Variants in SGCD observed in about 807,000 individuals in gnomAD.
SGCD encodes the protein sarcoglycan delta, also known as delta-sarcoglycan.
SGCD carries 18 observed loss-of-function variants against 36.6 expected under a neutral mutation model. The ratio of observed to expected loss-of-function variants is 0.49; its 90% CI spans 0.34 to 0.73. The LOEUF (loss-of-function observed/expected upper bound fraction) is 0.73, where lower values mean the gene tolerates loss of function less well. SGCD is among the 30% of genes least tolerant of loss of function. The pLI is 0.01. For missense variants in SGCD, 387 were observed against 346.7 expected, an observed-to-expected ratio of 1.12 and a Z score of -0.92; for synonymous variants, 133 against 130.6, an observed-to-expected ratio of 1.02 and a Z score of -0.12.
At chr5:156,168,960 T>C (rs1320338507) in intron 3 of SGCD, among the ~76,000 whole-genome samples, 1 of 152,190 alleles carries the variant, frequency 6.6e-6, no homozygotes, top group East Asian at 1.9e-4. Context: ...AGTGTGCTTA[T>C]GGAGGGAGTG....
upstream of SGCD, among the ~76,000 whole-genome samples, chr5:155,869,865 G>A (rs866575226): frequency 3.2e-4 from 48 of 152,042 alleles, no homozygotes; most frequent in African/African-American, 9.9e-4. Context: ...TGGATGTGGC[G>A]GTGCATGCCT....
At chr5:155,781,067 A>G in the SGCD span, among the ~76,000 whole-genome samples, 2 of 152,272 alleles carry the variant, frequency 1.3e-5, no homozygotes, top group African/African-American at 2.4e-5. Context: ...TGAGACTTTC[A>G]ATTTTATTTA....
At chr5:156,329,466 A>C (rs1767964161) in intron 1 of SGCD, 68 bp from the exon 2 acceptor site, 2 of 1,101,270 alleles carry the variant, frequency 1.8e-6, no homozygotes, top group Admixed American at 1.8e-5. Context: ...CTGAGGGTTC[A>C]GATTTCCTAG....
the SGCD span, among the ~76,000 whole-genome samples, chr5:155,791,773 G>A: frequency 6.6e-6 from 1 of 151,966 alleles, no homozygotes; most frequent in Non-Finnish European, 1.5e-5. Context: ...ACAAATAAAT[G>A]GAAAAATATT....
intron 4 of SGCD, among the ~76,000 whole-genome samples, chr5:156,526,783 C>T (rs1216725914): frequency 2.6e-5 from 4 of 152,136 alleles, no homozygotes; most frequent in Non-Finnish European, 5.9e-5. Flanking sequence ...TAGTTCAACA[C>T]GTAATACTAT....
intron 6 of SGCD, among the ~76,000 whole-genome samples, chr5:156,645,027 C>T (rs1763177111): frequency 6.6e-6 from 1 of 151,722 alleles, no homozygotes; most frequent in African/African-American, 2.4e-5. Flanking sequence ...TAGATAGATC[C>T]TGTCACATGC....
intron 1 of SGCD, among the ~76,000 whole-genome samples, chr5:156,036,155 A>G (rs1759491417): frequency 1.3e-5 from 2 of 152,172 alleles, no homozygotes. Context: ...GTCACTAAAT[A>G]AAACTTGAGT....
chr5:156,306,126 T>C (rs1020822895), intron 3 of SGCD, among the ~76,000 whole-genome samples: 13 of 152,192 alleles, frequency 8.5e-5, no homozygotes, highest in African/African-American at 2.9e-4. Flanking sequence ...ATGATTCATT[T>C]TGAAATGTGA....
At chr5:156,368,154 C>T (rs865818595) in intron 3 of SGCD, among the ~76,000 whole-genome samples, 8 of 151,832 alleles carry the variant, frequency 5.3e-5, no homozygotes, top group East Asian at 1.9e-4. Context: ...CGCAGTGGCA[C>T]GATCTCGGCT....
At chr5:156,179,188 C>A (rs766272564) in intron 3 of SGCD, among the ~76,000 whole-genome samples, 3 of 151,870 alleles carry the variant, frequency 2.0e-5, no homozygotes, top group Non-Finnish European at 4.4e-5. Flanking sequence ...TTAACATTTT[C>A]TATGTACTTT....
intron 1 of SGCD, among the ~76,000 whole-genome samples, chr5:155,962,022 C>G: frequency 6.6e-6 from 1 of 151,968 alleles, no homozygotes; most frequent in East Asian, 1.9e-4. Context: ...GCATCAAATG[C>G]TTTATTGAAT....
chr5:156,725,130 T>C (rs1354781693), intron 7 of SGCD, among the ~76,000 whole-genome samples: 2 of 152,164 alleles, frequency 1.3e-5, no homozygotes, highest in African/African-American at 2.4e-5. Flanking sequence ...TTGGGGCATA[T>C]TGAGTTTGGG....
chr5:156,428,089 G>A (rs1252189576), intron 3 of SGCD, among the ~76,000 whole-genome samples: 2 of 152,064 alleles, frequency 1.3e-5, no homozygotes, highest in Non-Finnish European at 2.9e-5. Context: ...TCTATCTTGT[G>A]GAATACTGTC....
the SGCD span, among the ~76,000 whole-genome samples, chr5:155,848,879 C>A: frequency 2.0e-5 from 3 of 152,130 alleles, no homozygotes; most frequent in Admixed American, 6.5e-5. Flanking sequence ...TAAGAAACAC[C>A]TGGCACATAA....
intron 4 of SGCD, among the ~76,000 whole-genome samples, chr5:156,561,142 C>T (rs1178837854): frequency 1.3e-5 from 2 of 152,154 alleles, no homozygotes; most frequent in Non-Finnish European, 2.9e-5. Flanking sequence ...TTCCCACCTC[C>T]ACACAGAGCA....
At chr5:156,588,699 G>A (rs1760593348) in intron 4 of SGCD, among the ~76,000 whole-genome samples, 1 of 152,194 alleles carries the variant, frequency 6.6e-6, no homozygotes, top group Non-Finnish European at 1.5e-5. Context: ...GGGGACATCA[G>A]ATCTCCTGGG....
chr5:156,008,498 A>G (rs929126282), intron 1 of SGCD, among the ~76,000 whole-genome samples: 15 of 152,018 alleles, frequency 9.9e-5, no homozygotes, highest in Admixed American at 2.6e-4. Context: ...TCCTTAGCCT[A>G]TTGAGTTCCT....
intron 1 of SGCD, among the ~76,000 whole-genome samples, chr5:155,935,707 G>A (rs1434603070): frequency 6.6e-6 from 1 of 152,200 alleles, no homozygotes; most frequent in Non-Finnish European, 1.5e-5. Flanking sequence ...GGTTGTTACA[G>A]GAGCCTTGGG....
At chr5:156,465,273 C>T (rs192785823) in intron 3 of SGCD, among the ~76,000 whole-genome samples, 225 of 152,200 alleles carry the variant, frequency 1.5e-3, no homozygotes, top group Middle Eastern at 0.014. Context: ...ACTGGGGAGC[C>T]AGTGAAAATA....
Sources: allele counts gnomAD v4.1 joint callset (sites outside exome capture counted in the v4.1 genomes callset), GRCh38; gene constraint gnomAD v4.1.1; transcripts MANE v1.5; gene names NCBI Gene and HGNC (gene_info 2026-07-23, HGNC 2026-07-21).